PATJ: variants seen among roughly 807,000 people sequenced by gnomAD.
PATJ encodes the protein inaD-like protein.
Under a neutral mutation model 224.9 loss-of-function variants are expected in PATJ, and 190 were observed. The observed-to-expected ratio is 0.84, with a 90% CI of 0.75 to 0.95. The LOEUF is 0.95. Among genes scored for constraint, PATJ ranks in the 40% least tolerant of loss-of-function variants. The pLI is 0.00. For synonymous variants in PATJ, 769 were observed against 820.3 expected (o/e 0.94, Z 1.07); for missense variants, 2,121 against 2,270.3 (o/e 0.93, Z 1.34).
Position 61,856,046 on chromosome 1 carries a change from C to T in PATJ, c.2129C>T (p.Thr710Ile), listed in dbSNP as rs1461604873. ...GATTCACAGGACCCTTTAGATCCTACAAGATCAGTGATTGTGATCCGCTCC... is the reference window on the plus strand; with the variant it reads ...GATTCACAGGACCCTTTAGATCCTATAAGATCAGTGATTGTGATCCGCTCC... ...ILDYQDPLDP[T>I]RSVIVIRSLV... The change falls in exon 18 of 44, where the codon ACA (threonine) becomes ATA (isoleucine). Residue 710 changes from threonine to isoleucine, a missense_variant. Physicochemically the swap from Thr to Ile is moderately conservative, Grantham distance 89. Coordinates refer to ENST00000642238, the MANE Select transcript of PATJ (RefSeq NM_001350145.3). 1.9e-6 allele frequency: 3 copies of T among 1,613,952 alleles called. No individual in the cohort carries two copies. Among genetic ancestry groups the T allele is most frequent in the Non-Finnish European group, 2.5e-6 (3 of 1,179,868 alleles).
intron 17 of PATJ, 108 bp downstream of exon 17, chr1:61,833,893 C>A (rs536410756): frequency 3.3e-6 from 3 of 918,386 alleles, no homozygotes; most frequent in East Asian, 2.6e-5. Flanking sequence ...AAAACTGAAT[C>A]CCAAAGATGG....
At chr1:61,961,669 A>G (rs1377329167) in intron 27 of PATJ, among the ~76,000 whole-genome samples, 1 of 152,162 alleles carries the variant, frequency 6.6e-6, no homozygotes, top group Non-Finnish European at 1.5e-5. Context: ...AAAGCAGACA[A>G]AAGAAATATG....
intron 7 of PATJ, among the ~76,000 whole-genome samples, chr1:61,776,645 A>G (rs961145807): frequency 2.6e-5 from 4 of 152,024 alleles, no homozygotes; most frequent in Non-Finnish European, 5.9e-5. Flanking sequence ...ATATTGTCAA[A>G]ATGGGAAGTA....
chr1:61,755,258 G>A (rs531106978), intron 1 of PATJ, among the ~76,000 whole-genome samples: 4 of 149,598 alleles, frequency 2.7e-5, no homozygotes, highest in African/African-American at 4.9e-5. Flanking sequence ...ACAGTGAACC[G>A]AGATGGCGCC....
intron 1 of PATJ, among the ~76,000 whole-genome samples, chr1:61,748,274 G>C (rs1276330356): frequency 2.8e-4 from 1 of 3,588 alleles, no homozygotes; most frequent in African/African-American, 1.1e-3. Context: ...TTTTTTTTTT[G>C]AGACGAGTCT....
intron 33 of PATJ, among the ~76,000 whole-genome samples, chr1:62,102,939 T>C (rs1662393679): frequency 6.6e-6 from 1 of 150,466 alleles, no homozygotes; most frequent in South Asian, 2.1e-4. Context: ...CTATGCATCA[T>C]GCTTTCTGTA....
intron 41 of PATJ, among the ~76,000 whole-genome samples, chr1:62,146,422 G>A (rs181401769): frequency 8.5e-5 from 13 of 152,292 alleles, no homozygotes; most frequent in Admixed American, 7.8e-4. Context: ...TAGCCGCTAT[G>A]GATGGAGGGG....
chr1:61,939,465 A>G (rs1317221089), intron 27 of PATJ, among the ~76,000 whole-genome samples: 2 of 151,868 alleles, frequency 1.3e-5, no homozygotes, highest in African/African-American at 2.4e-5. Context: ...AGTACAAAAT[A>G]TCTGTGTTCA....
At chr1:62,038,736 C>G in intron 30 of PATJ, 1 of 401,542 alleles carries the variant, frequency 2.5e-6, no homozygotes, top group Middle Eastern at 7.8e-4. Context: ...ACATAAATAG[C>G]TATATATAGT....
At chr1:62,011,062 A>G (rs938038109) in intron 28 of PATJ, among the ~76,000 whole-genome samples, 2 of 152,242 alleles carry the variant, frequency 1.3e-5, no homozygotes, top group South Asian at 2.1e-4. Flanking sequence ...CTTTTGCTTA[A>G]GAGAATGTTG....
intron 26 of PATJ, chr1:61,917,944 TG>T (rs1467474383): frequency 6.6e-6 from 1 of 151,120 alleles, no homozygotes; most frequent in East Asian, 2.0e-4. Context: ...CTCAGCTACT[TG>T]GGAGGCTGAG....
chr1:62,064,727 A>G (rs746130177), intron 31 of PATJ, among the ~76,000 whole-genome samples: 1 of 152,226 alleles, frequency 6.6e-6, no homozygotes, highest in Non-Finnish European at 1.5e-5. Context: ...CTTCCAGGCT[A>G]GAATTCCCAG....
intron 7 of PATJ, among the ~76,000 whole-genome samples, chr1:61,777,353 C>T (rs1646970797): frequency 1.3e-5 from 2 of 151,958 alleles, no homozygotes; most frequent in Admixed American, 6.6e-5. Flanking sequence ...TCTCTTGAGC[C>T]CAGGAGTTCG....
At chr1:61,895,385 GA>G (rs1452491842) in intron 22 of PATJ, among the ~76,000 whole-genome samples, 2 of 152,210 alleles carry the variant, frequency 1.3e-5, no homozygotes, top group East Asian at 3.9e-4. Context: ...GCCTAGGAGT[GA>G]AAAATGGTTT....
At chr1:61,979,726 G>A (rs1644349475) in intron 27 of PATJ, among the ~76,000 whole-genome samples, 1 of 151,634 alleles carries the variant, frequency 6.6e-6, no homozygotes, top group Non-Finnish European at 1.5e-5. Context: ...GCCTTCATAA[G>A]GAAATGAAGT....
chr1:62,142,621 A>G (rs912674105), intron 41 of PATJ, among the ~76,000 whole-genome samples: 2 of 152,270 alleles, frequency 1.3e-5, no homozygotes, highest in Admixed American at 1.3e-4. Flanking sequence ...TACAGTCAAC[A>G]TGCACATAGA....
intron 25 of PATJ, among the ~76,000 whole-genome samples, chr1:61,912,680 A>C (rs947362673): frequency 7.2e-5 from 3 of 41,520 alleles, no homozygotes; most frequent in African/African-American, 9.8e-5. Context: ...GAGGGAGGGG[A>C]GGGGAGGGGA....
At chr1:61,795,597 GA>G (rs772405218) in intron 10 of PATJ, 39 bp downstream of exon 10, 13 of 1,214,240 alleles carry the variant, frequency 1.1e-5, no homozygotes, top group Non-Finnish European at 1.3e-5. Context: ...GATTCTAGTT[GA>G]AAAAAAGGTT....
chr1:61,793,996 A>G (rs1176676672), intron 9 of PATJ, among the ~76,000 whole-genome samples: 9 of 148,114 alleles, frequency 6.1e-5, no homozygotes, highest in African/African-American at 2.2e-4. Flanking sequence ...TCCATCTCCC[A>G]GGTTCAAGCG....
Sources: gnomAD v4.1 joint callset for allele counts (sites outside exome capture counted in the v4.1 genomes callset) on GRCh38, gnomAD v4.1.1 for gene constraint, MANE v1.5 for transcripts, NCBI Gene and HGNC (gene_info 2026-07-23, HGNC 2026-07-21) for gene names.